TFDP1: variants seen among roughly 807,000 people sequenced by gnomAD.
The protein encoded by TFDP1 is DRTF1-polypeptide 1.
Under a neutral mutation model 48.0 loss-of-function variants are expected in TFDP1, and 6 were observed. That is an observed-to-expected ratio of 0.13 (90% confidence interval 0.07 to 0.25). The LOEUF is 0.25. TFDP1 is among the 10% of genes least tolerant of loss of function. TFDP1 has a pLI of 1.00. For synonymous variants in TFDP1, 201 were observed against 211.6 expected (o/e 0.95, Z 0.44); for missense variants, 335 against 543.0 (o/e 0.62, Z 3.81).
At chr13:113,610,198 G>A (rs2048673259) in intron 2 of TFDP1, among the ~76,000 whole-genome samples, 1 of 151,784 alleles carries the variant, frequency 6.6e-6, no homozygotes, top group South Asian at 2.1e-4. Flanking sequence ...CTGTGTGGCT[G>A]TACCGTTATG....
At chr13:113,625,072 G>T (rs199927503) in intron 4 of TFDP1, among the ~76,000 whole-genome samples, 63 of 97,474 alleles carry the variant, frequency 6.5e-4, no homozygotes, top group East Asian at 1.4e-3. Flanking sequence ...TGTCTCTCAC[G>T]TGTCCTCAGG....
At chr13:113,636,237 A>G in intron 9 of TFDP1, 109 bp downstream of exon 9, 1 of 1,411,850 alleles carries the variant, frequency 7.1e-7, no homozygotes, top group Non-Finnish European at 9.7e-7. Flanking sequence ...CAAATAGCAA[A>G]TGTTGCACAA....
chr13:113,624,218 G>A (rs1025314689), intron 4 of TFDP1, among the ~76,000 whole-genome samples: 30 of 152,124 alleles, frequency 2.0e-4, no homozygotes, highest in Admixed American at 1.3e-3. Context: ...ACCCTGCTCC[G>A]TCTGTGCTGT....
At chr13:113,614,757 C>G (rs2048815155) in intron 3 of TFDP1, among the ~76,000 whole-genome samples, 1 of 152,142 alleles carries the variant, frequency 6.6e-6, no homozygotes, top group Non-Finnish European at 1.5e-5. Context: ...AGCCAGTGAG[C>G]GACGGGAACC....
At chr13:113,616,676 T>C (rs1404998948) in intron 3 of TFDP1, among the ~76,000 whole-genome samples, 4 of 152,190 alleles carry the variant, frequency 2.6e-5, no homozygotes, top group Non-Finnish European at 4.4e-5. Context: ...AATTTAGCAA[T>C]GATGTGTGGT....
Position 113,623,432 on chromosome 13 carries a change from C to T in TFDP1, c.186+146C>T. 5 of 746,216 alleles carry T rather than the reference C, an allele frequency of 6.7e-6. No homozygotes were observed. The South Asian group carries it at 8.9e-5, about 13-fold the overall frequency. The allele number at this position is 746,216 out of a possible 1,614,324, so 46.2% of individuals were successfully genotyped here. ...CTTTCCCTCATCAGGGAGCCCGTGG[C>T]CAGTGCTAGATTTTCCATAGCCCTC... On this transcript the variant is annotated intron_variant, in intron 4 of 11. Transcript: ENST00000375370. The surrounding 1 kb of genome is among the most constrained non-coding windows in gnomAD (Gnocchi z 5.2).
intron 2 of TFDP1, among the ~76,000 whole-genome samples, chr13:113,597,686 C>T (rs891532942): frequency 6.6e-6 from 1 of 152,206 alleles, no homozygotes; most frequent in African/African-American, 2.4e-5. Flanking sequence ...AAGGCTTTGA[C>T]GAAATTAGGA....
intron 3 of TFDP1, among the ~76,000 whole-genome samples, chr13:113,621,707 A>G (rs1403702934): frequency 6.6e-6 from 1 of 152,230 alleles, no homozygotes; most frequent in Non-Finnish European, 1.5e-5. Flanking sequence ...GCGTCTGGGA[A>G]GATGTCCGTT....
intron 8 of TFDP1, among the ~76,000 whole-genome samples, chr13:113,635,501 C>T (rs1362208189): frequency 6.6e-6 from 1 of 152,186 alleles, no homozygotes; most frequent in African/African-American, 2.4e-5. Context: ...GAGGCCCTGG[C>T]CCTGGATTCA....
chr13:113,637,020 T>G, intron 10 of TFDP1: 55 of 226,908 alleles, frequency 2.4e-4, no homozygotes, highest in East Asian at 6.1e-4. Context: ...GAAGTTGAGA[T>G]TCTTTGAGAA....
At chr13:113,626,950 A>G (rs957678489) in intron 4 of TFDP1, among the ~76,000 whole-genome samples, 1 of 152,180 alleles carries the variant, frequency 6.6e-6, no homozygotes, top group Non-Finnish European at 1.5e-5. Context: ...TGAGAAGATT[A>G]TCTTATTGAT....
At chr13:113,618,858 G>A (rs1370128679) in intron 3 of TFDP1, among the ~76,000 whole-genome samples, 1 of 152,252 alleles carries the variant, frequency 6.6e-6, no homozygotes, top group Non-Finnish European at 1.5e-5. Context: ...GAAACACAAT[G>A]TTGGCAGAAT....
chr13:113,595,879 G>A (rs536967203), intron 2 of TFDP1, among the ~76,000 whole-genome samples: 16 of 152,158 alleles, frequency 1.1e-4, no homozygotes, highest in East Asian at 1.9e-4. Context: ...TCAGGATATC[G>A]AGACCATCCT....
intron 2 of TFDP1, among the ~76,000 whole-genome samples, chr13:113,588,602 C>G (rs4150691): frequency 6.6e-6 from 1 of 152,082 alleles, no homozygotes. Flanking sequence ...GAGCTACACA[C>G]GAGGGAGGAG....
intron 4 of TFDP1, among the ~76,000 whole-genome samples, chr13:113,628,014 T>C (rs2049229042): frequency 6.7e-6 from 1 of 149,832 alleles, no homozygotes; most frequent in Non-Finnish European, 1.5e-5. Flanking sequence ...TGCTTCCACC[T>C]GGAGCTGTTT....
intron 1 of TFDP1, chr13:113,585,331 C>T (rs2047973200): frequency 6.6e-6 from 1 of 151,748 alleles, no homozygotes; most frequent in Admixed American, 6.6e-5. Flanking sequence ...GGAAGCCCAC[C>T]TGTCAGAGTT....
intron 8 of TFDP1, among the ~76,000 whole-genome samples, chr13:113,634,818 C>T (rs1365983091): frequency 1.4e-5 from 2 of 143,842 alleles, no homozygotes; most frequent in Non-Finnish European, 3.0e-5. Flanking sequence ...TGTGTGCGTG[C>T]ATGCATGCAT....
intron 4 of TFDP1, among the ~76,000 whole-genome samples, chr13:113,629,446 G>A (rs1394779639): frequency 6.6e-6 from 1 of 152,184 alleles, no homozygotes; most frequent in Non-Finnish European, 1.5e-5. Context: ...GGTTTGACCT[G>A]TGATTTTGAC....
chr13:113,606,035 T>G (rs1461368453), intron 2 of TFDP1, among the ~76,000 whole-genome samples: 11 of 141,482 alleles, frequency 7.8e-5, no homozygotes, highest in African/African-American at 2.8e-4. Context: ...GGCGCGGTGA[T>G]GAGTGTCCGC....
Sources: gnomAD v4.1 joint callset for allele counts (sites outside exome capture counted in the v4.1 genomes callset) on GRCh38, gnomAD v4.1.1 for gene constraint, Gnocchi (gnomAD v3.1) non-coding constraint, MANE v1.5 for transcripts, NCBI Gene and HGNC (gene_info 2026-07-23, HGNC 2026-07-21) for gene names.